The following CCNY variants were observed in gnomAD, a reference collection of about 807,000 sequenced individuals.
CCNY encodes cyclin Y.
A neutral mutation model predicts 42.8 loss-of-function variants in CCNY; 19 were observed. That is an observed-to-expected ratio of 0.44 (90% confidence interval 0.31 to 0.65). The LOEUF (loss-of-function observed/expected upper bound fraction) is 0.65, where lower values mean the gene tolerates loss of function less well. CCNY is among the 30% of genes least tolerant of loss of function. The probability of loss-of-function intolerance (pLI) is 0.07; values close to 1 mark genes in which losing one functional copy is unlikely to be tolerated. For missense variants in CCNY, 370 were observed against 437.3 expected (o/e 0.85, Z 1.37); for synonymous variants, 165 against 162.7 (o/e 1.01, Z -0.11).
rs1166900318 is a variant in CCNY at position 35,516,661 on chromosome 10, C to CTTCCTTTTTTT, written c.365+40_365+41insCCTTTTTTTTT. On this transcript the variant is annotated intron_variant, in intron 4 of 9. Transcript: ENST00000374704. ...ATTTATTTCCTTCCTTCCTTCCTTC[C>CTTCCTTTTTTT]TTTTTTTTTTTTTTTTTTTTTTTTT... 1.8e-5 allele frequency: 6 copies of CTTCCTTTTTTT among 327,594 alleles called. No homozygotes were observed. In the African/African-American group the frequency reaches 2.5e-4, roughly 13 times the overall value. 20.3% of individuals were successfully genotyped at this position (327,594 alleles called of 1,614,324 possible).
At chr10:35,403,474 T>C (rs1183411548) in intron 1 of CCNY, among the ~76,000 whole-genome samples, 1 of 152,222 alleles carries the variant, frequency 6.6e-6, no homozygotes, top group Non-Finnish European at 1.5e-5. Flanking sequence ...TGCCTGCTTC[T>C]TTAGCTACCT....
At chr10:35,255,352 G>T (rs1031969778) in intron 3 of CCNY, among the ~76,000 whole-genome samples, 2 of 145,952 alleles carry the variant, frequency 1.4e-5, no homozygotes, top group Non-Finnish European at 1.5e-5. Flanking sequence ...ACAGAGTCCC[G>T]CTCTGTCACC....
At chr10:35,370,107 A>G (rs1379511913) in intron 1 of CCNY, among the ~76,000 whole-genome samples, 1 of 152,046 alleles carries the variant, frequency 6.6e-6, no homozygotes, top group Non-Finnish European at 1.5e-5. Flanking sequence ...TCAAGCATAT[A>G]CATATGCATA....
rs145089643 is a variant in CCNY, at chr10:35,247,626, C to G, written c.-216-483C>G. 7.5e-3 allele frequency among the ~76,000 whole-genome samples: 1,126 copies of G among 150,716 alleles called. 13 individuals are homozygous for G. Among genetic ancestry groups the G allele is most frequent in the African/African-American group, 0.026 (1,060 of 41,056 alleles). ...ATGAAAAAAATCACACCTGTAATCC[C>G]AGCACTTTGGGAGGCTGAGGCGGGC... On this transcript the variant is annotated intron_variant, in intron 1 of 11. Transcript: ENST00000374706.
At chr10:35,298,992 G>A (rs1261725221) in intron 3 of CCNY, among the ~76,000 whole-genome samples, 1 of 152,184 alleles carries the variant, frequency 6.6e-6, no homozygotes, top group South Asian at 2.1e-4. Context: ...ACCAAGAAGT[G>A]CAATTGTTTA....
intron 1 of CCNY, among the ~76,000 whole-genome samples, chr10:35,368,660 C>A (rs1023879465): frequency 7.3e-6 from 1 of 137,044 alleles, no homozygotes; most frequent in Non-Finnish European, 1.6e-5. Flanking sequence ...TGGGTGACTC[C>A]CTCCGGCATT....
intron 2 of CCNY, among the ~76,000 whole-genome samples, chr10:35,250,320 G>A (rs548252505): frequency 1.1e-4 from 16 of 152,080 alleles, no homozygotes; most frequent in Admixed American, 3.3e-4. Context: ...AGTCAAGATC[G>A]CACCACTGCA....
chr10:35,563,703 A>ATTAT (rs1169927406), intron 8 of CCNY, among the ~76,000 whole-genome samples: 6 of 152,140 alleles, frequency 3.9e-5, no homozygotes, highest in African/African-American at 9.6e-5. Context: ...AAAGTAAATT[A>ATTAT]TTATTTATTT....
intron 3 of CCNY, among the ~76,000 whole-genome samples, chr10:35,304,105 C>T (rs1835572696): frequency 6.6e-6 from 1 of 152,124 alleles, no homozygotes; most frequent in South Asian, 2.1e-4. Flanking sequence ...AAAGCACCAA[C>T]CCCTCTTCGT....
intron 8 of CCNY, among the ~76,000 whole-genome samples, chr10:35,555,629 C>T (rs573613247): frequency 6.6e-6 from 1 of 152,258 alleles, no homozygotes; most frequent in Non-Finnish European, 1.5e-5. Flanking sequence ...AAGTAAGATG[C>T]CCAGGTGACT....
intron 1 of CCNY, chr10:35,347,563 G>T (rs887614961): frequency 1.3e-4 from 38 of 286,966 alleles, no homozygotes; most frequent in Admixed American, 4.5e-4. Context: ...TGTTCTTGGT[G>T]GTCAATAAGG....
At chr10:35,384,606 C>T (rs770194918) in intron 1 of CCNY, among the ~76,000 whole-genome samples, 2 of 152,138 alleles carry the variant, frequency 1.3e-5, no homozygotes, top group South Asian at 4.2e-4. Context: ...ACTTGGCTTT[C>T]GAGTGGCCCT....
intron 1 of CCNY, among the ~76,000 whole-genome samples, chr10:35,442,449 G>A (rs114586872): frequency 0.013 from 2,018 of 152,260 alleles, 38 homozygotes; most frequent in East Asian, 0.056. Flanking sequence ...TAATGAGACC[G>A]GAGACTCATA....
intron 2 of CCNY, among the ~76,000 whole-genome samples, chr10:35,248,554 G>A (rs2095709760): frequency 6.6e-6 from 1 of 152,150 alleles, no homozygotes. Context: ...GCTGAGGCAG[G>A]AGAATTGCTT....
chr10:35,519,561 C>T (rs1478117608), intron 4 of CCNY, among the ~76,000 whole-genome samples: 1 of 152,010 alleles, frequency 6.6e-6, no homozygotes, highest in South Asian at 2.1e-4. Flanking sequence ...GCTACCCTCC[C>T]CTCCCCCACC....
chr10:35,278,847 G>A (rs1835267870), intron 3 of CCNY, among the ~76,000 whole-genome samples: 1 of 152,100 alleles, frequency 6.6e-6, no homozygotes, highest in African/African-American at 2.4e-5. Context: ...GCCCCGAGAG[G>A]GGATCCTGGC....
At chr10:35,397,816 C>T (rs1837557515) in intron 1 of CCNY, among the ~76,000 whole-genome samples, 1 of 152,224 alleles carries the variant, frequency 6.6e-6, no homozygotes, top group Non-Finnish European at 1.5e-5. Context: ...TCCTTTCCCT[C>T]TGCTGTCCTT....
intron 1 of CCNY, among the ~76,000 whole-genome samples, chr10:35,432,901 T>C (rs528650068): frequency 6.6e-6 from 1 of 152,360 alleles, no homozygotes; most frequent in South Asian, 2.1e-4. Context: ...CAGCATCTTA[T>C]TTGATCCTTA....
Position 35,571,069 on chromosome 10 carries a change from T to C in CCNY, c.*1899T>C, listed in dbSNP as rs1841676344. 6.6e-6 allele frequency: 1 copy of C among 152,252 alleles called. No individual in the cohort carries two copies. Among genetic ancestry groups the C allele is most frequent in the South Asian group, 2.1e-4 (1 of 4,836 alleles). The allele number at this position is 152,252 out of a possible 1,614,324, so 9.4% of individuals were successfully genotyped here. A position where few individuals can be genotyped will look rare whatever the true frequency, so the allele number is the denominator to read the frequency against. On this transcript the variant is annotated 3_prime_UTR_variant, in exon 10 of 10. Coordinates refer to ENST00000374704, the MANE Select transcript of CCNY (RefSeq NM_145012.6). ...AAAATGTAGAAAATATCATTTTATA[T>C]TCCCTAATCTATATAGCTGAAAAAG...
Sources: allele counts gnomAD v4.1 joint callset (sites outside exome capture counted in the v4.1 genomes callset), GRCh38; gene constraint gnomAD v4.1.1; transcripts MANE v1.5; gene names NCBI Gene and HGNC (gene_info 2026-07-23, HGNC 2026-07-21).